ELP2: variants seen among roughly 807,000 people sequenced by gnomAD.
The protein encoded by ELP2 is elongator complex protein 2.
In ELP2, 90 loss-of-function variants were observed where a neutral mutation model predicts 119.2. The ratio of observed to expected loss-of-function variants is 0.75; its 90% confidence interval spans 0.64 to 0.90. The LOEUF (loss-of-function observed/expected upper bound fraction) is 0.90. Ranked by LOEUF, ELP2 falls within the 40% of genes least tolerant of loss-of-function variation. The probability of loss-of-function intolerance (pLI) is 0.00; values close to 1 mark genes in which losing one functional copy is unlikely to be tolerated. For missense variants in ELP2, 921 were observed against 967.8 expected (o/e 0.95, Z 0.64); for synonymous variants, 339 against 331.0 (o/e 1.02, Z -0.26).
Position 36,156,530 on chromosome 18 carries a change from T to G in ELP2, c.1340T>G (p.Ile447Ser). ...TATGACCTGAAATGTTTGGCAATGA[T>G]TAATCGGTTTCAGTTTGTATCTGGA... is the stretch of plus-strand genomic sequence containing the variant. ...HGYDLKCLAM[I>S]NRFQFVSGAD... The change falls in exon 13 of 22, where the codon ATT becomes AGT. Residue 447 changes from isoleucine to serine, a missense_variant. Coordinates refer to ENST00000358232, the MANE Select transcript of ELP2 (RefSeq NM_018255.4). The G allele has an allele frequency of 8.7e-6, 14 of 1,614,164 alleles. No homozygotes were observed. The highest frequency in any genetic ancestry group is 1.2e-5 in the Non-Finnish European group (14 of 1,180,020).
chr18:36,166,741 G>A (rs183494274), intron 18 of ELP2: 1 of 159,440 alleles, frequency 6.3e-6, no homozygotes, highest in Non-Finnish European at 1.4e-5. Context: ...AACATTAAGT[G>A]GTGCATTAAT....
chr18:36,161,058 G>T lies in ELP2; in HGVS notation c.1761+54G>T, dbSNP rs2090724541. ...GGTCACAGGTTATTTGGGTCATCAGGCTCCTGCAAGTTTGGTAATGATTTA... is the reference window on the plus strand; with the variant it reads ...GGTCACAGGTTATTTGGGTCATCAGTCTCCTGCAAGTTTGGTAATGATTTA... On this transcript the variant is annotated intron_variant, in intron 17 of 21. Transcript: ENST00000358232. The T allele has an allele frequency of 2.1e-5, 27 of 1,310,298 alleles. No individual in the cohort carries two copies. The Admixed American group carries it at 4.2e-4, about 20-fold the overall frequency. 81.2% of individuals were successfully genotyped at this position (1,310,298 alleles called of 1,614,324 possible).
At chr18:36,142,089 G>A (rs560084465) in intron 6 of ELP2, among the ~76,000 whole-genome samples, 192 bp from the exon 7 acceptor site, 23 of 152,096 alleles carry the variant, frequency 1.5e-4, no homozygotes, top group Admixed American at 3.9e-4. Flanking sequence ...CTACTCAGAG[G>A]TGCTCCAGTT....
chr18:36,146,075 A>G (rs1444497595), intron 10 of ELP2, 27 bp downstream of exon 10: 2 of 1,607,460 alleles, frequency 1.2e-6, no homozygotes, highest in African/African-American at 2.7e-5. Context: ...TTTAAGGAAC[A>G]GAAAATTAAG....
intron 17 of ELP2, among the ~76,000 whole-genome samples, chr18:36,163,389 A>G (rs1413293101): frequency 6.6e-6 from 1 of 151,520 alleles, no homozygotes; most frequent in African/African-American, 2.4e-5. Context: ...ACATGTGCTT[A>G]TGTAGATATT....
At chr18:36,157,685 T>G (rs770195723) in intron 13 of ELP2, among the ~76,000 whole-genome samples, 1 of 152,226 alleles carries the variant, frequency 6.6e-6, no homozygotes, top group Non-Finnish European at 1.5e-5. Flanking sequence ...AGAAATGAAG[T>G]AGCCAACTAA....
rs143146235 is a variant in ELP2 at position 36,161,979 on chromosome 18, A to AT, written c.1761+983dup. Among the ~76,000 whole-genome samples, 12 of 151,916 alleles carry AT rather than the reference A, an allele frequency of 7.9e-5. No individual in the cohort carries two copies. In the South Asian group the frequency reaches 8.3e-4, roughly 11 times the overall value. On this transcript the variant is annotated intron_variant, in intron 17 of 21. Transcript: ENST00000358232. ...TAGGGCACTGTCAATCCTGTAATTGATTTTTTTTCCCCCTTTTTAAGTTGA... is the reference window on the plus strand; with the variant it reads ...TAGGGCACTGTCAATCCTGTAATTGATTTTTTTTTCCCCCTTTTTAAGTTGA...
chr18:36,170,843 C>G (rs999936171), intron 20 of ELP2: 7 of 595,406 alleles, frequency 1.2e-5, no homozygotes, highest in Admixed American at 2.8e-5. Context: ...GCAGAGGACA[C>G]AGATAAATCT....
intron 13 of ELP2, among the ~76,000 whole-genome samples, chr18:36,157,520 C>T (rs146752433): frequency 6.6e-6 from 1 of 152,148 alleles, no homozygotes; most frequent in African/African-American, 2.4e-5. Context: ...ACTTGGGAGG[C>T]AGGCACAGTC....
In ELP2 at chr18:36,180,380, G is replaced by C. The variant is rs1389212890; in HGVS notation, c.*5739G>C. ...GCCCATGTGCTCAGCAGAGAACTGG[G>C]GTGCTTCATTCTGGAAGAAAGGGAG... On this transcript the variant is annotated 3_prime_UTR_variant, in exon 22 of 22. Transcript: ENST00000358232. 1.3e-5 allele frequency: 2 copies of C among 152,170 alleles called. No homozygotes were observed. The highest frequency in any genetic ancestry group is 2.9e-5 in the Non-Finnish European group (2 of 68,032). 9.4% of individuals were successfully genotyped at this position (152,170 alleles called of 1,614,324 possible).
intron 20 of ELP2, 42 bp from the exon 21 acceptor site, chr18:36,171,005 C>A: frequency 1.5e-6 from 2 of 1,353,688 alleles, no homozygotes; most frequent in Non-Finnish European, 2.1e-6. Flanking sequence ...ATAACAATTT[C>A]ATGCTAAGTT....
intron 1 of ELP2, among the ~76,000 whole-genome samples, chr18:36,131,930 CTTTTTTTT>C (rs5823996): frequency 1.3e-5 from 1 of 79,874 alleles, no homozygotes; most frequent in Non-Finnish European, 2.2e-5. Flanking sequence ...GCTGGTCGGG[CTTTTTTTT>C]TTTTTTTTTT....
chr18:36,167,589 A>T (rs1179163877), intron 19 of ELP2, among the ~76,000 whole-genome samples: 1 of 152,162 alleles, frequency 6.6e-6, no homozygotes, highest in Non-Finnish European at 1.5e-5. Context: ...TATGAATTTA[A>T]CATTTTTCTG....
chr18:36,174,775 C>A lies in ELP2; in HGVS notation c.*134C>A, dbSNP rs1447111648. 1.3e-6 allele frequency: 1 copy of A among 799,098 alleles called. No individual in the cohort carries two copies. Among genetic ancestry groups the A allele is most frequent in the Non-Finnish European group, 2.0e-6 (1 of 498,604 alleles). The allele number at this position is 799,098 out of a possible 1,614,324, so 49.5% of individuals were successfully genotyped here. On this transcript the variant is annotated 3_prime_UTR_variant, in exon 22 of 22. Coordinates refer to ENST00000358232, the MANE Select transcript of ELP2 (RefSeq NM_018255.4). ...TTTGAGATGGAGTCTTGCTTTGTCA[C>A]AACCTCCACCTCCCAGGTTCAAGCG...
intron 17 of ELP2, among the ~76,000 whole-genome samples, chr18:36,163,778 A>G (rs528159116): frequency 1.3e-5 from 2 of 152,222 alleles, no homozygotes; most frequent in African/African-American, 4.8e-5. Flanking sequence ...TGTTCCGTAG[A>G]CTTTATTCAG....
chr18:36,133,736 A>ATTTT (rs10535065), intron 2 of ELP2, among the ~76,000 whole-genome samples: 6 of 146,216 alleles, frequency 4.1e-5, no homozygotes, highest in African/African-American at 7.8e-5. Flanking sequence ...TTATTTATTT[A>ATTTT]TTTTTTTTTT....
chr18:36,149,621 G>T lies in ELP2; in HGVS notation c.1125+3240G>T, dbSNP rs2090334565. ...AAAAATTTTTTTGAGGCGATTTGGG[G>T]AAGAAAGAAAAAAAATATAGTCATT... On this transcript the variant is annotated intron_variant, in intron 11 of 21. Coordinates refer to ENST00000358232, the MANE Select transcript of ELP2 (RefSeq NM_018255.4). 4.0e-5 allele frequency among the ~76,000 whole-genome samples: 6 copies of T among 151,476 alleles called. No homozygotes were observed. In the South Asian group the frequency reaches 1.3e-3, roughly 32 times the overall value.
intron 1 of ELP2, among the ~76,000 whole-genome samples, chr18:36,131,360 C>G (rs2089617897): frequency 6.6e-6 from 1 of 152,210 alleles, no homozygotes; most frequent in Non-Finnish European, 1.5e-5. Flanking sequence ...AGGCAAGGAC[C>G]GACTGTAGAA....
At chr18:36,163,259 G>T (rs1480147535) in intron 17 of ELP2, among the ~76,000 whole-genome samples, 1 of 114,130 alleles carries the variant, frequency 8.8e-6, no homozygotes, top group Non-Finnish European at 2.0e-5. Context: ...TTATGGCCGA[G>T]TAGTAGTTCA....
Sources: gnomAD v4.1 joint callset for allele counts (sites outside exome capture counted in the v4.1 genomes callset) on GRCh38, gnomAD v4.1.1 for gene constraint, MANE v1.5 for transcripts, NCBI Gene and HGNC (gene_info 2026-07-23, HGNC 2026-07-21) for gene names.